Variants in TTLL11 observed in about 807,000 individuals in gnomAD.
TTLL11 encodes the protein tubulin tyrosine ligase like 11, also known as tubulin polyglutamylase TTLL11.
In TTLL11, 42 loss-of-function variants were observed where a neutral mutation model predicts 51.7. The ratio of observed to expected loss-of-function variants is 0.81; its 90% CI spans 0.64 to 1.05. The LOEUF (loss-of-function observed/expected upper bound fraction) is 1.05, where lower values mean the gene tolerates loss of function less well. Ranked by LOEUF, TTLL11 falls within the 50% of genes least tolerant of loss-of-function variation. TTLL11 has a pLI of 0.00. For missense variants in TTLL11, 799 were observed against 940.4 expected (o/e 0.85, Z 1.97); for synonymous variants, 381 against 383.5 (o/e 0.99, Z 0.08).
At position 122,091,816 on chromosome 9, in the gene TTLL11, A is replaced by G. The variant is rs867333623; in HGVS notation, c.462+871T>C. Among the ~76,000 whole-genome samples the G allele has an allele frequency of 3.9e-5, 6 of 152,342 alleles. No homozygotes were observed. The South Asian group carries it at 8.3e-4, about 21-fold the overall frequency. On this transcript the variant is annotated intron_variant, in intron 1 of 8. Transcript: ENST00000321582. ...TCAAATGGCTTTATCCACGTAGCCAATTGCAACAGACACCTCTAGAGTCAC... is the reference window on the plus strand; with the variant it reads ...TCAAATGGCTTTATCCACGTAGCCAGTTGCAACAGACACCTCTAGAGTCAC...
intron 7 of TTLL11, 140 bp downstream of exon 7, chr9:121,870,357 A>G: frequency 9.2e-7 from 1 of 1,088,456 alleles, no homozygotes; most frequent in Non-Finnish European, 1.3e-6. Flanking sequence ...GCCAGCCACT[A>G]GGCTAATCCA....
intron 8 of TTLL11, among the ~76,000 whole-genome samples, chr9:121,849,276 C>A (rs6478533): frequency 0.66 from 100,983 of 152,186 alleles, 33,793 homozygotes; most frequent in East Asian, 0.79. Flanking sequence ...CACAGACCTA[C>A]GTGTAAAATA....
At chr9:122,002,944 C>CAAAAAAAAA (rs547408355) in intron 3 of TTLL11, among the ~76,000 whole-genome samples, 17 of 61,232 alleles carry the variant, frequency 2.8e-4, no homozygotes, top group African/African-American at 1.4e-3. Context: ...GACTCTGTCT[C>CAAAAAAAAA]AAAAAAAAAA....
chr9:122,014,659 T>G (rs1044571677), intron 3 of TTLL11, among the ~76,000 whole-genome samples: 1 of 152,158 alleles, frequency 6.6e-6, no homozygotes, highest in Non-Finnish European at 1.5e-5. Flanking sequence ...TAGTAAATAT[T>G]TGTTCACACT....
intron 3 of TTLL11, among the ~76,000 whole-genome samples, chr9:122,007,597 T>A (rs1206023076): frequency 6.6e-6 from 1 of 150,814 alleles, no homozygotes; most frequent in African/African-American, 2.4e-5. Flanking sequence ...ACCCACAGAA[T>A]AAAGTAAGAA....
rs1198059156 is a variant in TTLL11 at position 121,818,040 on chromosome 9, T to G, written c.*4547A>C. ...CTCCCACTCCATTCCCCTGACTACCTACATGCACATCCGGAGGACCTGCTG... is the reference window on the plus strand; with the variant it reads ...CTCCCACTCCATTCCCCTGACTACCGACATGCACATCCGGAGGACCTGCTG... On this transcript the variant is annotated 3_prime_UTR_variant, in exon 9 of 9. Coordinates refer to ENST00000321582, the MANE Select transcript of TTLL11 (RefSeq NM_001139442.2). 6.6e-6 allele frequency: 1 copy of G among 152,286 alleles called. No individual in the cohort carries two copies. Among genetic ancestry groups the G allele is most frequent in the African/African-American group, 2.4e-5 (1 of 41,458 alleles). 9.4% of individuals were successfully genotyped at this position (152,286 alleles called of 1,614,324 possible). A position where few individuals can be genotyped will look rare whatever the true frequency, so the allele number is the denominator to read the frequency against.
intron 8 of TTLL11, among the ~76,000 whole-genome samples, chr9:121,837,272 G>C (rs1210638212): frequency 6.6e-6 from 1 of 151,484 alleles, no homozygotes; most frequent in Non-Finnish European, 1.5e-5. Context: ...GTACATACTT[G>C]AATGAGCAAT....
intron 8 of TTLL11, among the ~76,000 whole-genome samples, chr9:121,825,588 C>G (rs2119107621): frequency 6.6e-6 from 1 of 152,278 alleles, no homozygotes; most frequent in African/African-American, 2.4e-5. Context: ...CTTTGAGTAA[C>G]TCTGCTCTGC....
intron 2 of TTLL11, among the ~76,000 whole-genome samples, chr9:122,035,357 C>G (rs1189629598): frequency 6.6e-6 from 1 of 152,198 alleles, no homozygotes; most frequent in Non-Finnish European, 1.5e-5. Flanking sequence ...TTTCTGACAC[C>G]AAGGGCTTAC....
In TTLL11 at chr9:121,853,085, G is replaced by A. The variant is rs998501218; in HGVS notation, c.1840+7252C>T. ...GGGCTTACTCCAGCCGATGTGAGCA[G>A]AGGCGTCAGATGACTCGCAGTCGGT... On this transcript the variant is annotated intron_variant, in intron 8 of 8. Transcript: ENST00000321582. This position sits in a 1 kb window ranked among gnomAD's most constrained non-coding sequence, Gnocchi z 5.6. 2.6e-5 allele frequency among the ~76,000 whole-genome samples: 4 copies of A among 152,280 alleles called. No homozygotes were observed. The highest frequency in any genetic ancestry group is 1.3e-4 in the Admixed American group (2 of 15,290).
intron 3 of TTLL11, among the ~76,000 whole-genome samples, chr9:122,027,857 T>C (rs1246833088): frequency 6.6e-6 from 1 of 152,128 alleles, no homozygotes; most frequent in East Asian, 1.9e-4. Context: ...CATGAGTGAG[T>C]ATAAAAGACA....
chr9:121,827,132 T>C (rs886237789), intron 8 of TTLL11, among the ~76,000 whole-genome samples: 1 of 152,138 alleles, frequency 6.6e-6, no homozygotes, highest in Non-Finnish European at 1.5e-5. Flanking sequence ...CATTTTTTTT[T>C]ATAGTGATAG....
At chr9:122,016,125 G>A (rs1843969406) in intron 3 of TTLL11, among the ~76,000 whole-genome samples, 1 of 152,146 alleles carries the variant, frequency 6.6e-6, no homozygotes, top group Non-Finnish European at 1.5e-5. Context: ...GCTAAGCAGG[G>A]GGTCCGAAAA....
intron 6 of TTLL11, among the ~76,000 whole-genome samples, chr9:121,879,831 G>A (rs1838712758): frequency 8.2e-6 from 1 of 122,318 alleles, no homozygotes; most frequent in Admixed American, 8.0e-5. Context: ...CAGCTCTGGT[G>A]GTACGCACCT....
At chr9:121,869,240 C>G (rs1276181100) in intron 7 of TTLL11, among the ~76,000 whole-genome samples, 1 of 152,178 alleles carries the variant, frequency 6.6e-6, no homozygotes, top group Admixed American at 6.5e-5. Flanking sequence ...TTCTGTGTAC[C>G]ATCCTGTCAG....
intron 4 of TTLL11, among the ~76,000 whole-genome samples, chr9:121,988,557 C>A (rs529662781): frequency 1.4e-4 from 21 of 152,280 alleles, no homozygotes; most frequent in African/African-American, 4.8e-4. Flanking sequence ...CCTACCCCTA[C>A]CCAGTTTCTC....
intron 1 of TTLL11, among the ~76,000 whole-genome samples, chr9:122,044,664 C>T (rs1428727243): frequency 6.6e-6 from 1 of 152,158 alleles, no homozygotes; most frequent in Non-Finnish European, 1.5e-5. Context: ...TGAAAAAACA[C>T]TTACAAAATG....
At chr9:121,930,433 C>T (rs1840922037) in intron 6 of TTLL11, among the ~76,000 whole-genome samples, 1 of 152,198 alleles carries the variant, frequency 6.6e-6, no homozygotes, top group Non-Finnish European at 1.5e-5. Flanking sequence ...CAAATTGGTT[C>T]ATTTTCTCAG....
Position 121,870,723 on chromosome 9 carries a change from C to T in TTLL11, c.1507G>A (p.Ala503Thr), listed in dbSNP as rs1426433433. 9 of 1,548,300 alleles carry T rather than the reference C, an allele frequency of 5.8e-6. No homozygotes were observed. The East Asian group carries it at 7.3e-5, about 13-fold the overall frequency. The change falls in exon 7 of 9, where the codon GCT becomes ACT. Residue 503 changes from alanine (A) to threonine (T), a missense_variant. By Grantham distance (58) the Ala-to-Thr change is moderately conservative (BLOSUM62 0). This residue lies in a region of TTLL11 where 468 missense variants were observed against 612.8 expected (regional missense o/e 0.76). Transcript: ENST00000321582. The stretch of plus-strand genomic sequence containing the variant: ...CCGTCCAAAGCATCTTCCTTTCCAG[C>T]GAATGGTTTTTCAAGCTGCTGAGAC... Reference protein sequence around the residue: ...NQSQQLEKPFAGKEDALDGEL... With the variant: ...NQSQQLEKPFTGKEDALDGEL...
Sources: allele counts gnomAD v4.1 joint callset (sites outside exome capture counted in the v4.1 genomes callset), GRCh38; gene constraint gnomAD v4.1.1; regional missense constraint gnomAD v4.1.1; non-coding constraint Gnocchi (gnomAD v3.1); transcripts MANE v1.5; gene names NCBI Gene and HGNC (gene_info 2026-07-23, HGNC 2026-07-21).